FKBP5: variants seen among roughly 807,000 people sequenced by gnomAD.
The protein encoded by FKBP5 is peptidyl-prolyl cis-trans isomerase FKBP5.
In FKBP5, 23 loss-of-function variants were observed where a neutral mutation model predicts 50.5. The ratio of observed to expected loss-of-function variants is 0.46; its 90% CI spans 0.33 to 0.65. FKBP5 has a LOEUF of 0.65. FKBP5 is among the 30% of genes least tolerant of loss of function. The probability of loss-of-function intolerance (pLI) is 0.02; values close to 1 mark genes in which losing one functional copy is unlikely to be tolerated. For synonymous variants in FKBP5, 176 were observed against 190.6 expected (o/e 0.92, Z 0.63); for missense variants, 411 against 553.1 (o/e 0.74, Z 2.58).
intron 1 of FKBP5, among the ~76,000 whole-genome samples, chr6:35,649,298 C>A (rs1764720273): frequency 1.4e-5 from 2 of 147,938 alleles, no homozygotes; most frequent in South Asian, 4.3e-4. Flanking sequence ...TTTTATTTTA[C>A]ATATTCTTAT....
At chr6:35,611,148 T>C (rs1371650961) in intron 5 of FKBP5, among the ~76,000 whole-genome samples, 1 of 152,188 alleles carries the variant, frequency 6.6e-6, no homozygotes, top group Non-Finnish European at 1.5e-5. Context: ...TTCCATTGGT[T>C]CAACTTCATC....
chr6:35,678,297 C>T (rs746532270), intron 1 of FKBP5, among the ~76,000 whole-genome samples: 2 of 151,918 alleles, frequency 1.3e-5, no homozygotes, highest in South Asian at 2.1e-4. Context: ...TATTTAAATA[C>T]GTTTCATTTC....
upstream of FKBP5, among the ~76,000 whole-genome samples, chr6:35,692,752 C>T (rs1376243177): frequency 1.4e-5 from 2 of 143,594 alleles, no homozygotes; most frequent in East Asian, 4.1e-4. Context: ...GATTGCACCA[C>T]TGCACTCCAG....
intron 8 of FKBP5, chr6:35,585,432 ACT>A: frequency 2.0e-6 from 2 of 985,218 alleles, no homozygotes; most frequent in Middle Eastern, 5.2e-4. Context: ...GAGTTTAGAA[ACT>A]CACAGAAATT....
chr6:35,662,322 T>G (rs2150999786), intron 1 of FKBP5, among the ~76,000 whole-genome samples: 1 of 151,566 alleles, frequency 6.6e-6, no homozygotes, highest in East Asian at 1.9e-4. Context: ...TTGCTCAGGC[T>G]GGAGTACAGT....
intron 6 of FKBP5, among the ~76,000 whole-genome samples, chr6:35,591,537 G>GTT (rs879860288): frequency 1.7e-3 from 240 of 145,278 alleles, no homozygotes; most frequent in African/African-American, 5.7e-3. Flanking sequence ...TTCATATCTA[G>GTT]TTTTTTTTTT....
chr6:35,672,138 G>C (rs1765405037), intron 1 of FKBP5, among the ~76,000 whole-genome samples: 1 of 152,126 alleles, frequency 6.6e-6, no homozygotes, highest in Admixed American at 6.5e-5. Flanking sequence ...AAAGTGCTGG[G>C]ATTACAGGCG....
chr6:35,667,390 AGT>A (rs1278797500), intron 1 of FKBP5, among the ~76,000 whole-genome samples: 2 of 152,186 alleles, frequency 1.3e-5, no homozygotes, highest in East Asian at 3.8e-4. Flanking sequence ...CTGACTTACA[AGT>A]GTGTGCTCTC....
intron 1 of FKBP5, among the ~76,000 whole-genome samples, chr6:35,682,939 T>C (rs1195262105): frequency 4.0e-5 from 6 of 150,318 alleles, no homozygotes; most frequent in African/African-American, 1.5e-4. Flanking sequence ...AGTATATATA[T>C]ATATATCCCA....
At chr6:35,703,805 T>C (rs1156909281) in intron 2 of FKBP5, among the ~76,000 whole-genome samples, 2 of 152,164 alleles carry the variant, frequency 1.3e-5, no homozygotes, top group Admixed American at 6.5e-5. Context: ...GGAGGCTTGG[T>C]GGTCACAGTG....
intron 5 of FKBP5, among the ~76,000 whole-genome samples, chr6:35,601,473 T>A (rs1763142519): frequency 1.3e-5 from 2 of 152,208 alleles, no homozygotes; most frequent in South Asian, 4.1e-4. Flanking sequence ...ACGGAAAGAC[T>A]GCTGATTGCC....
chr6:35,701,227 G>GTTTT (rs1325192481), intron 2 of FKBP5, among the ~76,000 whole-genome samples: 5 of 80,612 alleles, frequency 6.2e-5, no homozygotes, highest in African/African-American at 1.6e-4. Context: ...TTGTTTGTTT[G>GTTTT]TTTTTGTTTT....
At chr6:35,705,900 A>G (rs1020462228) in intron 2 of FKBP5, among the ~76,000 whole-genome samples, 2 of 152,242 alleles carry the variant, frequency 1.3e-5, no homozygotes, top group Non-Finnish European at 2.9e-5. Flanking sequence ...ACTTGAGGCC[A>G]GGAGTTAGAG....
intron 2 of FKBP5, among the ~76,000 whole-genome samples, chr6:35,711,399 C>T (rs1330125546): frequency 6.6e-6 from 1 of 151,806 alleles, no homozygotes; most frequent in African/African-American, 2.4e-5. Context: ...GGGTGCATCA[C>T]CTGAGGTCAG....
intron 3 of FKBP5, among the ~76,000 whole-genome samples, chr6:35,621,698 G>A (rs941387363): frequency 1.3e-5 from 2 of 151,552 alleles, no homozygotes; most frequent in Middle Eastern, 6.9e-3. Context: ...GGCTGGGCAC[G>A]TTGGCTCGCG....
At chr6:35,687,568 C>T (rs1399499328) in intron 1 of FKBP5, among the ~76,000 whole-genome samples, 1 of 152,138 alleles carries the variant, frequency 6.6e-6, no homozygotes, top group Non-Finnish European at 1.5e-5. Context: ...TTAACTTTTC[C>T]CTTGTCCACA....
intron 1 of FKBP5, among the ~76,000 whole-genome samples, chr6:35,666,422 A>T (rs1051910411): frequency 5.0e-5 from 7 of 141,162 alleles, no homozygotes; most frequent in Non-Finnish European, 3.1e-5. Context: ...AAAAAAAAGG[A>T]GGGGAGTGGA....
At chr6:35,625,564 G>A (rs1237341746) in intron 3 of FKBP5, among the ~76,000 whole-genome samples, 1 of 150,230 alleles carries the variant, frequency 6.7e-6, no homozygotes, top group Non-Finnish European at 1.5e-5. Flanking sequence ...GTGAAATCCC[G>A]TCTCTACTAA....
intron 5 of FKBP5, among the ~76,000 whole-genome samples, chr6:35,611,041 A>G (rs1763476613): frequency 6.6e-6 from 1 of 152,076 alleles, no homozygotes; most frequent in Non-Finnish European, 1.5e-5. Flanking sequence ...GATGACCATG[A>G]GCTTGGAGTT....
Sources: gnomAD v4.1 joint callset for allele counts (sites outside exome capture counted in the v4.1 genomes callset) on GRCh38, gnomAD v4.1.1 for gene constraint, MANE v1.5 for transcripts, NCBI Gene and HGNC (gene_info 2026-07-23, HGNC 2026-07-21) for gene names.